The following ZNF536 variants were observed in gnomAD, a reference collection of about 807,000 sequenced individuals.
ZNF536 encodes zinc finger protein 536.
Under a neutral mutation model 84.5 loss-of-function variants are expected in ZNF536, and 13 were observed. That is an observed-to-expected ratio of 0.15 (90% CI 0.10 to 0.24). The LOEUF (loss-of-function observed/expected upper bound fraction) is 0.24. Among genes scored for constraint, ZNF536 ranks in the 10% least tolerant of loss-of-function variants. ZNF536 has a pLI of 1.00. For synonymous variants in ZNF536, 811 were observed against 742.5 expected, an observed-to-expected ratio of 1.09 and a Z score of -1.50; for missense variants, 1,536 against 1,747.5, an observed-to-expected ratio of 0.88 and a Z score of 2.16.
At chr19:30,323,128 G>A (rs1265978068) in intron 2 of ZNF536, among the ~76,000 whole-genome samples, 1 of 151,554 alleles carries the variant, frequency 6.6e-6, no homozygotes, top group Non-Finnish European at 1.5e-5. Flanking sequence ...CCAGGGCCAG[G>A]GAGCTTCTAA....
intron 1 of ZNF536, among the ~76,000 whole-genome samples, chr19:30,705,400 A>ATG (rs1325480408): frequency 2.6e-5 from 4 of 152,030 alleles, no homozygotes; most frequent in Admixed American, 6.6e-5. Flanking sequence ...CTAACACATT[A>ATG]TGTGTGTGTG....
chr19:30,544,680 A>G (rs2045473111), intron 3 of ZNF536, among the ~76,000 whole-genome samples: 1 of 152,158 alleles, frequency 6.6e-6, no homozygotes, highest in Non-Finnish European at 1.5e-5. Flanking sequence ...GTGTTTATTC[A>G]TTCATCCATT....
intron 1 of ZNF536, among the ~76,000 whole-genome samples, chr19:30,231,720 G>A (rs191793837): frequency 8.7e-4 from 132 of 152,326 alleles, no homozygotes; most frequent in African/African-American, 2.9e-3. Flanking sequence ...CCTTAGAGGA[G>A]TGAGCAGATA....
intron 1 of ZNF536, among the ~76,000 whole-genome samples, chr19:30,232,621 A>AGTG (rs2023153757): frequency 1.3e-5 from 2 of 152,178 alleles, no homozygotes; most frequent in African/African-American, 4.8e-5. Flanking sequence ...TTTCTCTTAC[A>AGTG]GTGGAGTTTT....
intron 1 of ZNF536, among the ~76,000 whole-genome samples, chr19:30,563,439 C>A (rs2046242713): frequency 5.9e-5 from 9 of 152,194 alleles, no homozygotes; most frequent in Admixed American, 5.9e-4. Flanking sequence ...TAAAAATCAT[C>A]TCTCGTGGCC....
chr19:30,473,927 T>C (rs1241648147), intron 2 of ZNF536, among the ~76,000 whole-genome samples: 1 of 152,242 alleles, frequency 6.6e-6, no homozygotes, highest in Non-Finnish European at 1.5e-5. Flanking sequence ...AGATACTTTC[T>C]GAACCTCAAA....
upstream of ZNF536, among the ~76,000 whole-genome samples, chr19:30,372,197 G>A (rs142772623): frequency 6.6e-6 from 1 of 152,226 alleles, no homozygotes; most frequent in Non-Finnish European, 1.5e-5. Context: ...TCTGTACAGA[G>A]AGAGTGAAAA....
intron 4 of ZNF536, among the ~76,000 whole-genome samples, chr19:30,553,319 G>T (rs1365462543): frequency 6.6e-6 from 1 of 152,192 alleles, no homozygotes; most frequent in African/African-American, 2.4e-5. Flanking sequence ...GCTTCCCTGT[G>T]CACACAGCAC....
chr19:30,253,409 A>G (rs1447864062), intron 1 of ZNF536, among the ~76,000 whole-genome samples: 1 of 152,156 alleles, frequency 6.6e-6, no homozygotes, highest in Non-Finnish European at 1.5e-5. Context: ...ATCAATGCGA[A>G]TCTTATTGCA....
chr19:30,574,220 C>G (rs1456444737), intron 1 of ZNF536, among the ~76,000 whole-genome samples: 1 of 152,198 alleles, frequency 6.6e-6, no homozygotes, highest in South Asian at 2.1e-4. Context: ...AGAAAGGCTT[C>G]TTTTGTACCC....
intron 1 of ZNF536, among the ~76,000 whole-genome samples, chr19:30,252,931 A>G (rs1362986771): frequency 1.3e-5 from 2 of 152,184 alleles, no homozygotes; most frequent in Non-Finnish European, 2.9e-5. Context: ...TTTTAACTCC[A>G]TTTATTTTGT....
intron 2 of ZNF536, among the ~76,000 whole-genome samples, chr19:30,490,056 G>A (rs1393118733): frequency 2.6e-5 from 4 of 152,298 alleles, no homozygotes; most frequent in Non-Finnish European, 2.9e-5. Flanking sequence ...TGTACCTAAT[G>A]CATATTTCAA....
chr19:30,691,732 G>A (rs2051417063), intron 1 of ZNF536, among the ~76,000 whole-genome samples: 1 of 151,826 alleles, frequency 6.6e-6, no homozygotes, highest in Non-Finnish European at 1.5e-5. Flanking sequence ...CATCATCAGA[G>A]TTTTAAAAGC....
intron 1 of ZNF536, among the ~76,000 whole-genome samples, chr19:30,618,245 C>G (rs1341465680): frequency 3.3e-5 from 5 of 152,290 alleles, no homozygotes; most frequent in Non-Finnish European, 7.4e-5. Context: ...TGAAGTGTCT[C>G]TTAGTCTAGT....
intron 2 of ZNF536, among the ~76,000 whole-genome samples, chr19:30,514,457 A>G (rs1294001756): frequency 1.3e-5 from 2 of 152,056 alleles, no homozygotes; most frequent in African/African-American, 2.4e-5. Flanking sequence ...GGGGTCAAAG[A>G]GACTCACAGG....
chr19:30,337,224 A>ACTGGACGCTCCCAGCCCGGCTGCCT (rs2047410560), intron 2 of ZNF536, among the ~76,000 whole-genome samples: 1 of 152,134 alleles, frequency 6.6e-6, no homozygotes, highest in African/African-American at 2.4e-5. Flanking sequence ...CAAGGCTGGC[A>ACTGGACGCTCCCAGCCCGGCTGCCT]CTGGACGCTC....
intron 2 of ZNF536, among the ~76,000 whole-genome samples, chr19:30,480,536 C>T (rs1199217169): frequency 1.1e-4 from 16 of 151,676 alleles, no homozygotes; most frequent in South Asian, 4.2e-4. Flanking sequence ...CATCACACAC[C>T]GGGGCCTGTC....
At chr19:30,697,448 C>G (rs1410508379) in intron 1 of ZNF536, among the ~76,000 whole-genome samples, 1 of 152,224 alleles carries the variant, frequency 6.6e-6, no homozygotes, top group African/African-American at 2.4e-5. Context: ...TTAATACTTA[C>G]AGCCTTTTCT....
chr19:30,610,421 T>G (rs866593850), intron 1 of ZNF536, among the ~76,000 whole-genome samples: 1 of 152,142 alleles, frequency 6.6e-6, no homozygotes, highest in Admixed American at 6.5e-5. Context: ...TGGTGGCCAG[T>G]CCTTGTGGGG....
Sources: gnomAD v4.1 joint callset for allele counts (sites outside exome capture counted in the v4.1 genomes callset) on GRCh38, gnomAD v4.1.1 for gene constraint, MANE v1.5 for transcripts, NCBI Gene and HGNC (gene_info 2026-07-23, HGNC 2026-07-21) for gene names.